PCDH11X: variants seen among roughly 807,000 people sequenced by gnomAD.
The protein encoded by PCDH11X is protocadherin 11 X-linked.
In PCDH11X, 18 loss-of-function variants were observed where a neutral mutation model predicts 53.3. The observed-to-expected ratio is 0.34, with a 90% confidence interval of 0.23 to 0.50. The LOEUF is 0.50. PCDH11X is among the 20% of genes least tolerant of loss of function. PCDH11X has a pLI of 0.98. For synonymous variants in PCDH11X, 279 were observed against 393.3 expected (o/e 0.71, Z 3.44); for missense variants, 570 against 1,032.4 (o/e 0.55, Z 6.14).
chrX:92,103,971 C>T (rs1032899914), intron 6 of PCDH11X, among the ~76,000 whole-genome samples: 5 of 111,167 alleles, frequency 4.5e-5, no homozygotes, highest in South Asian at 7.7e-4. Context: ...GCCTTTAGAC[C>T]TTTTAGGGCC....
intron 10 of PCDH11X, among the ~76,000 whole-genome samples, chrX:92,501,656 G>A (rs1246476133): frequency 9.0e-6 from 1 of 111,428 alleles, no homozygotes; most frequent in Non-Finnish European, 1.9e-5. Context: ...AAAGGCCTTC[G>A]ATAAAATTCA....
chrX:92,029,117 G>A (rs2063009286), intron 6 of PCDH11X, among the ~76,000 whole-genome samples: 1 of 111,565 alleles, frequency 9.0e-6, no homozygotes, highest in Admixed American at 9.6e-5. Context: ...TATGCATTAT[G>A]AGAATGTGGC....
intron 6 of PCDH11X, among the ~76,000 whole-genome samples, chrX:91,960,334 AT>A (rs1196328670): frequency 3.6e-5 from 4 of 111,261 alleles, no homozygotes; most frequent in African/African-American, 1.3e-4. Context: ...CATAAAAAAA[AT>A]CATTACCAAA....
chrX:92,363,559 A>G (rs1295405397), intron 8 of PCDH11X, among the ~76,000 whole-genome samples: 1 of 108,395 alleles, frequency 9.2e-6, no homozygotes, highest in Non-Finnish European at 1.9e-5. Flanking sequence ...TTTTTGAATA[A>G]TCTTTAGGAT....
chrX:92,013,095 C>G (rs1022157235), intron 6 of PCDH11X, among the ~76,000 whole-genome samples: 1 of 111,381 alleles, frequency 9.0e-6, no homozygotes, highest in African/African-American at 3.3e-5. Context: ...CAAATTGTCC[C>G]TGTTTGCAGA....
At chrX:92,350,442 C>T (rs1449882673) in intron 8 of PCDH11X, among the ~76,000 whole-genome samples, 2 of 111,285 alleles carry the variant, frequency 1.8e-5, no homozygotes, top group African/African-American at 6.5e-5. Flanking sequence ...AGTAGTCTCC[C>T]CTTTTCCTAG....
chrX:92,457,058 C>A (rs1021466754), intron 9 of PCDH11X, among the ~76,000 whole-genome samples: 1 of 108,303 alleles, frequency 9.2e-6, no homozygotes, highest in Non-Finnish European at 1.9e-5. Flanking sequence ...TATATTTAAA[C>A]TAAAATAATA....
chrX:92,012,946 A>C (rs763045311), intron 6 of PCDH11X, among the ~76,000 whole-genome samples: 17 of 111,792 alleles, frequency 1.5e-4, no homozygotes, highest in African/African-American at 5.2e-4. Context: ...CAAAAACTGG[A>C]AGCATTCCCT....
intron 6 of PCDH11X, among the ~76,000 whole-genome samples, chrX:92,024,441 G>A (rs1420252081): frequency 9.1e-6 from 1 of 110,286 alleles, no homozygotes; most frequent in Non-Finnish European, 1.9e-5. Flanking sequence ...AAAACACCTA[G>A]GAATACAGCT....
intron 9 of PCDH11X, among the ~76,000 whole-genome samples, chrX:92,426,860 A>T (rs1357295780): frequency 3.6e-5 from 4 of 111,135 alleles, no homozygotes; most frequent in African/African-American, 1.3e-4. Flanking sequence ...AGCAATTTAG[A>T]TGCAAAGTAT....
chrX:92,446,153 T>TA (rs4020634), intron 9 of PCDH11X, among the ~76,000 whole-genome samples: 2,518 of 92,659 alleles, frequency 0.027, 87 homozygotes, highest in East Asian at 0.11. Context: ...AAAGCAGAAT[T>TA]AAAAAAAAAA....
rs184647450 is a variant in PCDH11X at position 91,967,115 on chromosome X, G to A, written c.3033+87842G>A. On this transcript the variant is annotated intron_variant, in intron 6 of 10. Transcript: ENST00000682573. Reference sequence around the variant, plus strand: ...TCTGTTCCTGTGTTAGTTTGCTGAGGATGATGGCTTCCAGCTTCATCCAAG... The same window carrying A: ...TCTGTTCCTGTGTTAGTTTGCTGAGAATGATGGCTTCCAGCTTCATCCAAG... Among the ~76,000 whole-genome samples, 372 of 109,080 alleles carry A rather than the reference G, an allele frequency of 3.4e-3. 1 individual carries two copies. The highest frequency in any genetic ancestry group is 0.014 in the Middle Eastern group (3 of 213). The allele number at this position is 109,080 out of a possible 115,157, so 94.7% of individuals were successfully genotyped here.
At chrX:92,185,261 T>TTAAA (rs1171539885) in intron 6 of PCDH11X, among the ~76,000 whole-genome samples, 5 of 110,151 alleles carry the variant, frequency 4.5e-5, no homozygotes, top group Non-Finnish European at 7.6e-5. Flanking sequence ...AATTAAAAAT[T>TTAAA]TAAATAAATA....
intron 6 of PCDH11X, among the ~76,000 whole-genome samples, chrX:92,065,440 A>G (rs1226334423): frequency 9.0e-6 from 1 of 111,072 alleles, no homozygotes; most frequent in Non-Finnish European, 1.9e-5. Flanking sequence ...GAACCTCCAA[A>G]CTTTTCTTCA....
chrX:92,424,738 G>C (rs1048219730), intron 9 of PCDH11X, among the ~76,000 whole-genome samples: 10 of 97,720 alleles, frequency 1.0e-4, no homozygotes, highest in Non-Finnish European at 2.0e-4. Flanking sequence ...TGAGTGTGTT[G>C]CTTCTCTATG....
intron 6 of PCDH11X, among the ~76,000 whole-genome samples, chrX:91,924,597 A>T (rs1309929045): frequency 1.8e-5 from 2 of 112,158 alleles, no homozygotes; most frequent in Non-Finnish European, 3.8e-5. Context: ...AAATCAAGCC[A>T]TATGCATAAT....
chrX:91,801,179 C>CTAA (rs1935924199), intron 1 of PCDH11X, among the ~76,000 whole-genome samples: 1 of 31,951 alleles, frequency 3.1e-5, no homozygotes, highest in African/African-American at 1.2e-4. Flanking sequence ...GACCCTGCCT[C>CTAA]AAAAAAAAAA....
chrX:92,477,839 T>A (rs1278901815), intron 10 of PCDH11X, among the ~76,000 whole-genome samples: 1 of 104,572 alleles, frequency 9.6e-6, no homozygotes, highest in East Asian at 3.1e-4. Flanking sequence ...TTCTTTGTCA[T>A]TTCTAATTGT....
chrX:92,275,528 G>A (rs1457049397), intron 8 of PCDH11X, among the ~76,000 whole-genome samples: 1 of 111,173 alleles, frequency 9.0e-6, no homozygotes, highest in Non-Finnish European at 1.9e-5. Flanking sequence ...AGGGTGCAAA[G>A]GAATAGTAAA....
Sources: allele counts gnomAD v4.1 joint callset (sites outside exome capture counted in the v4.1 genomes callset), GRCh38; gene constraint gnomAD v4.1.1; transcripts MANE v1.5; gene names NCBI Gene and HGNC (gene_info 2026-07-23, HGNC 2026-07-21).